TARS1: variants seen among roughly 807,000 people sequenced by gnomAD.
The protein encoded by TARS1 is threonyl-tRNA synthetase 1.
In TARS1, 57 loss-of-function variants were observed where a neutral mutation model predicts 97.7. That is an observed-to-expected ratio of 0.58 (90% confidence interval 0.47 to 0.73). The LOEUF (loss-of-function observed/expected upper bound fraction) is 0.73, where lower values mean the gene tolerates loss of function less well. Among genes scored for constraint, TARS1 ranks in the 30% least tolerant of loss-of-function variants. The probability of loss-of-function intolerance (pLI) is 0.00; values close to 1 mark genes in which losing one functional copy is unlikely to be tolerated. For synonymous variants in TARS1, 312 were observed against 293.7 expected, an observed-to-expected ratio of 1.06 and a Z score of -0.64; for missense variants, 806 against 888.3, an observed-to-expected ratio of 0.91 and a Z score of 1.18.
At chr5:33,456,566 G>T (rs1742027696) in intron 8 of TARS1, among the ~76,000 whole-genome samples, 1 of 152,118 alleles carries the variant, frequency 6.6e-6, no homozygotes, top group African/African-American at 2.4e-5. Flanking sequence ...CCAAGTTGTT[G>T]TTTTTAACAG....
At chr5:33,451,200 T>C (rs1741715288) in intron 3 of TARS1, among the ~76,000 whole-genome samples, 1 of 152,192 alleles carries the variant, frequency 6.6e-6, no homozygotes, top group Admixed American at 6.5e-5. Context: ...CTGAGAATAC[T>C]TTATGAAATT....
intron 16 of TARS1, among the ~76,000 whole-genome samples, chr5:33,462,875 A>G (rs1742360019): frequency 6.6e-6 from 1 of 152,200 alleles, no homozygotes; most frequent in African/African-American, 2.4e-5. Flanking sequence ...CATTGGTTTA[A>G]TCTTACACAT....
At position 33,453,866 on chromosome 5, in the gene TARS1, C is replaced by T. The variant is rs371974877; in HGVS notation, c.453+454C>T. Among the ~76,000 whole-genome samples, 21 of 151,848 alleles carry T rather than the reference C, an allele frequency of 1.4e-4. No homozygotes were observed. In the East Asian group the frequency reaches 3.3e-3, roughly 24 times the overall value. On this transcript the variant is annotated intron_variant, in intron 4 of 18. Transcript: ENST00000265112. Reference sequence around the variant, plus strand: ...TCCCAAGTAGCTGGGATTATAGGAGCGCACTACCACACTTGGCTAATTTTT... The same window carrying T: ...TCCCAAGTAGCTGGGATTATAGGAGTGCACTACCACACTTGGCTAATTTTT...
intron 3 of TARS1, among the ~76,000 whole-genome samples, chr5:33,452,146 C>G (rs1741774266): frequency 6.6e-6 from 1 of 152,218 alleles, no homozygotes; most frequent in Non-Finnish European, 1.5e-5. Context: ...GCCACCAACA[C>G]AGCAAGCCTG....
In TARS1 at chr5:33,461,009, C is replaced by T. The variant is rs1051213; in HGVS notation, c.1358C>T (p.Thr453Ile). The T allele has an allele frequency of 1.1e-5, 18 of 1,614,038 alleles. No homozygotes were observed. In the African/African-American group the frequency reaches 1.2e-4, roughly 11 times the overall value. Reference protein sequence around the residue: ...NELSGALTGLTRVRRFQQDDA... With the variant: ...NELSGALTGLIRVRRFQQDDA... ...CTGTCTGGAGCACTCACAGGACTCACCCGGGTACGAAGATTCCAACAGGAT... is the reference window on the plus strand; with the variant it reads ...CTGTCTGGAGCACTCACAGGACTCATCCGGGTACGAAGATTCCAACAGGAT... The change falls in exon 12 of 19, where the codon ACC (threonine) becomes ATC (isoleucine). Residue 453 changes from threonine (T) to isoleucine (I), a missense_variant. By Grantham distance (89) the Thr-to-Ile change is moderately conservative. Around this residue, in one of 3 missense-constraint regions of TARS1, gnomAD observed 446 missense variants for 511.0 expected, o/e 0.87. Coordinates refer to ENST00000265112, the MANE Select transcript of TARS1 (RefSeq NM_152295.5).
At chr5:33,452,928 G>A (rs1010624137) in intron 3 of TARS1, among the ~76,000 whole-genome samples, 3 of 151,332 alleles carry the variant, frequency 2.0e-5, no homozygotes, top group South Asian at 2.1e-4. Flanking sequence ...GCCAGCCTGC[G>A]CAACATAGCA....
At chr5:33,449,674 C>T (rs1468880548) in intron 3 of TARS1, among the ~76,000 whole-genome samples, 1 of 151,842 alleles carries the variant, frequency 6.6e-6, no homozygotes, top group Non-Finnish European at 1.5e-5. Flanking sequence ...CCAGGATGGT[C>T]TCGATCTCCT....
chr5:33,453,264 T>A, intron 3 of TARS1, 25 bp from the exon 4 acceptor site: 1 of 163,752 alleles, frequency 6.1e-6, no homozygotes, highest in Non-Finnish European at 1.1e-5. Flanking sequence ...ATGTGTGGAC[T>A]TTTTTTTTTT....
rs758528588 is a variant in TARS1 at position 33,455,652 on chromosome 5, A to G, written c.641A>G (p.Gln214Arg). 1 of 1,613,138 alleles carries G rather than the reference A, an allele frequency of 6.2e-7. No individual in the cohort carries two copies. The highest frequency in any genetic ancestry group is 8.5e-7 in the Non-Finnish European group (1 of 1,179,366). The change falls in exon 6 of 19, where the codon CAA (glutamine) becomes CGA (arginine). Residue 214 changes from glutamine (Q) to arginine (R), a missense_variant. Gln to Arg is a conservative substitution (Grantham distance 43). Around this residue, in one of 3 missense-constraint regions of TARS1, gnomAD observed 356 missense variants for 357.8 expected, o/e 0.99. Coordinates refer to ENST00000265112, the MANE Select transcript of TARS1 (RefSeq NM_152295.5). The stretch of plus-strand genomic sequence containing the variant: ...TGTAAGAAAATCATTAAAGAAAAAC[A>G]AGCTTTTGAAAGACTGGAAGTTAAG... ...ALCKKIIKEK[Q>R]AFERLEVKKE...
chr5:33,448,147 C>T (rs1029516910), intron 2 of TARS1, among the ~76,000 whole-genome samples: 6 of 152,098 alleles, frequency 3.9e-5, no homozygotes, highest in African/African-American at 1.2e-4. Flanking sequence ...TAGGCTGACC[C>T]GCTGCACAGA....
intron 4 of TARS1, among the ~76,000 whole-genome samples, chr5:33,454,315 C>G (rs1224692516): frequency 2.6e-5 from 4 of 152,116 alleles, no homozygotes; most frequent in Non-Finnish European, 5.9e-5. Context: ...AAGTTTCTTA[C>G]GAGAATTTTT....
chr5:33,442,599 G>T (rs948195942), intron 1 of TARS1, among the ~76,000 whole-genome samples: 6 of 151,836 alleles, frequency 4.0e-5, no homozygotes, highest in African/African-American at 1.5e-4. Flanking sequence ...GCCGTGGTGC[G>T]ATCTCGGCTC....
intron 9 of TARS1, among the ~76,000 whole-genome samples, chr5:33,457,738 T>C (rs1000518298): frequency 2.6e-5 from 4 of 152,242 alleles, no homozygotes; most frequent in African/African-American, 9.6e-5. Context: ...TCATTTAAAA[T>C]GTGGAAACAG....
At chr5:33,444,207 A>T (rs1246722655) in intron 1 of TARS1, among the ~76,000 whole-genome samples, 1 of 152,242 alleles carries the variant, frequency 6.6e-6, no homozygotes, top group Non-Finnish European at 1.5e-5. Flanking sequence ...AGAATAGGCA[A>T]ATCTATAGAA....
Position 33,462,011 on chromosome 5 carries a change from G to C in TARS1, c.1730+5G>C. The C allele has an allele frequency of 6.2e-7, 1 of 1,613,086 alleles. No individual in the cohort carries two copies. Among genetic ancestry groups the C allele is most frequent in the Admixed American group, 1.7e-5 (1 of 60,006 alleles). On this transcript the variant is annotated splice_donor_5th_base_variant and intron_variant, in intron 15 of 18. Transcript: ENST00000265112. ...ATTTAATCTTACTTATGTAAGGTGAGTTTCTGGTGTCTGCTCTGAATATTC... is the reference window on the plus strand; with the variant it reads ...ATTTAATCTTACTTATGTAAGGTGACTTTCTGGTGTCTGCTCTGAATATTC...
chr5:33,459,649 A>G, intron 10 of TARS1, 46 bp from the exon 11 acceptor site: 5 of 1,604,806 alleles, frequency 3.1e-6, no homozygotes, highest in Non-Finnish European at 4.3e-6. Context: ...CACTTGAAGT[A>G]TGAGCATTTA....
chr5:33,463,867 T>C, intron 17 of TARS1, 42 bp downstream of exon 17: 1 of 1,544,818 alleles, frequency 6.5e-7, no homozygotes. Flanking sequence ...TAACATCTGT[T>C]GTTCAGCTTT....
At position 33,441,013 on chromosome 5, in the gene TARS1, C is replaced by A; in HGVS notation, c.-74C>A. On this transcript the variant is annotated 5_prime_UTR_variant, in exon 1 of 19. Coordinates refer to ENST00000265112, the MANE Select transcript of TARS1 (RefSeq NM_152295.5). ...AGGCCAAGTCCCGGGCGCTAGCCCA[C>A]CTCCCACCCGCCTCTTGGCTCCTCT... is the stretch of plus-strand genomic sequence containing the variant. 6.3e-7 allele frequency: 1 copy of A among 1,597,360 alleles called. No homozygotes were observed. Among genetic ancestry groups the A allele is most frequent in the South Asian group, 1.1e-5 (1 of 90,358 alleles).
At chr5:33,459,886 C>G in intron 11 of TARS1, 25 bp downstream of exon 11, 2 of 1,594,828 alleles carry the variant, frequency 1.3e-6, no homozygotes, top group South Asian at 1.1e-5. Context: ...TGAATTTCTA[C>G]TGAAGATTTT....
Sources: allele counts gnomAD v4.1 joint callset (sites outside exome capture counted in the v4.1 genomes callset), GRCh38; gene constraint gnomAD v4.1.1; regional missense constraint gnomAD v4.1.1; transcripts MANE v1.5; gene names NCBI Gene and HGNC (gene_info 2026-07-23, HGNC 2026-07-21).